Variants in MRTFB observed in about 807,000 individuals in gnomAD.
The protein encoded by MRTFB is myocardin-related transcription factor B.
Under a neutral mutation model 104.2 loss-of-function variants are expected in MRTFB, and 29 were observed. That is an observed-to-expected ratio of 0.28 (90% CI 0.21 to 0.38). The LOEUF (loss-of-function observed/expected upper bound fraction) is 0.38, where lower values mean the gene tolerates loss of function less well. Among genes scored for constraint, MRTFB ranks in the 10% least tolerant of loss-of-function variants. The probability of loss-of-function intolerance (pLI) is 1.00; values close to 1 mark genes in which losing one functional copy is unlikely to be tolerated. For synonymous variants in MRTFB, 535 were observed against 519.5 expected, an observed-to-expected ratio of 1.03 and a Z score of -0.41; for missense variants, 1,270 against 1,341.6, an observed-to-expected ratio of 0.95 and a Z score of 0.83.
At chr16:14,161,319 A>G (rs2039030137) in intron 3 of MRTFB, among the ~76,000 whole-genome samples, 1 of 152,060 alleles carries the variant, frequency 6.6e-6, no homozygotes, top group East Asian at 1.9e-4. Flanking sequence ...AGAGTGAGAA[A>G]TAGGCAATAT....
chr16:14,118,890 G>C (rs1046475694), intron 2 of MRTFB, among the ~76,000 whole-genome samples: 1 of 151,846 alleles, frequency 6.6e-6, no homozygotes, highest in African/African-American at 2.4e-5. Flanking sequence ...TTAGCCTTTC[G>C]TGTGAGATTT....
chr16:14,150,317 A>G (rs767868982), intron 3 of MRTFB, among the ~76,000 whole-genome samples: 2 of 152,210 alleles, frequency 1.3e-5, no homozygotes, highest in African/African-American at 2.4e-5. Flanking sequence ...ATTAGTATGT[A>G]TATTTTGAGA....
intron 2 of MRTFB, chr16:14,092,660 G>C (rs979549816): frequency 6.6e-6 from 1 of 152,168 alleles, no homozygotes; most frequent in African/African-American, 2.4e-5. Flanking sequence ...GATAAAGACA[G>C]ATTCTATTTC....
chr16:14,251,731 A>T, intron 13 of MRTFB, 131 bp from the exon 14 acceptor site: 1 of 932,254 alleles, frequency 1.1e-6, no homozygotes, highest in South Asian at 1.7e-5. Flanking sequence ...GTGACCCACA[A>T]ATCATAAGCT....
At position 14,246,703 on chromosome 16, in the gene MRTFB, C is replaced by T. The variant is rs2043030550; in HGVS notation, c.1443C>T (p.Leu481=). 1 of 1,614,184 alleles carries T rather than the reference C, an allele frequency of 6.2e-7. No homozygotes were observed. Among genetic ancestry groups the T allele is most frequent in the East Asian group, 2.2e-5 (1 of 44,872 alleles). Residue 481 remains leucine, a synonymous_variant, in exon 12 of 17, where the codon CTC becomes CTT. Coordinates refer to ENST00000571589, the MANE Select transcript of MRTFB (RefSeq NM_001308142.2). ...CTGTGACTAGCTCAGTCTCTACTCT[C>T]AAGGCAGAATTGCCACCTACAGGAA... is the stretch of plus-strand genomic sequence containing the variant. ...HNTVTSSVST[L]KAELPPTGTS...
chr16:14,136,855 A>C (rs553971912), intron 2 of MRTFB, among the ~76,000 whole-genome samples: 1 of 152,006 alleles, frequency 6.6e-6, no homozygotes, highest in Non-Finnish European at 1.5e-5. Context: ...TTGATCTTAC[A>C]GTATTATGCT....
chr16:14,225,046 T>A (rs958147548), intron 8 of MRTFB, among the ~76,000 whole-genome samples: 3 of 151,942 alleles, frequency 2.0e-5, no homozygotes, highest in Admixed American at 6.6e-5. Flanking sequence ...ATTAGCCAGA[T>A]GTGGTGGCGC....
At chr16:14,008,944 G>GTATTTATTTATTTATTTATTTATT in the MRTFB span, among the ~76,000 whole-genome samples, 4 of 149,650 alleles carry the variant, frequency 2.7e-5, no homozygotes, top group African/African-American at 9.8e-5. Flanking sequence ...AAAATTTTAT[G>GTATTTATTTATTTATTTATTTATT]TATTTATTTA....
rs182344282 is a variant in MRTFB at position 14,077,566 on chromosome 16, A to G, written c.-128-1724A>G. Among the ~76,000 whole-genome samples the G allele has an allele frequency of 7.8e-5, 11 of 140,488 alleles. No individual in the cohort carries two copies. In the East Asian group the frequency reaches 1.9e-3, roughly 24 times the overall value. The allele number at this position is 140,488 out of a possible 152,430, so 92.2% of individuals were successfully genotyped here. On this transcript the variant is annotated intron_variant, in intron 1 of 16. Coordinates refer to ENST00000571589, the MANE Select transcript of MRTFB (RefSeq NM_001308142.2). ...TAGTTTATTTTTCCATGTGAACTTT[A>G]GAATCGTTTTGTCTAGTTCCAGAAA... is the stretch of plus-strand genomic sequence containing the variant.
At chr16:14,223,164 G>C (rs181970583) in intron 8 of MRTFB, among the ~76,000 whole-genome samples, 2 of 152,106 alleles carry the variant, frequency 1.3e-5, no homozygotes, top group East Asian at 3.9e-4. Context: ...AAAAGAAATA[G>C]CTGGGCGTGG....
intron 1 of MRTFB, among the ~76,000 whole-genome samples, chr16:14,077,692 C>G (rs2034145704): frequency 6.6e-6 from 1 of 152,076 alleles, no homozygotes; most frequent in South Asian, 2.1e-4. Flanking sequence ...AGCAATAGTG[C>G]CTGTAAGAAT....
At chr16:14,166,483 A>G (rs2039246777) in intron 3 of MRTFB, among the ~76,000 whole-genome samples, 1 of 152,124 alleles carries the variant, frequency 6.6e-6, no homozygotes, top group South Asian at 2.1e-4. Context: ...GAAGTACAAA[A>G]GTGGTTTACA....
intron 3 of MRTFB, among the ~76,000 whole-genome samples, chr16:14,173,155 A>G (rs538586472): frequency 1.8e-4 from 27 of 152,148 alleles, no homozygotes; most frequent in African/African-American, 6.0e-4. Context: ...CTCTCCCTCC[A>G]CATTGCTTTT....
At chr16:14,135,279 A>C (rs1384904276) in intron 2 of MRTFB, among the ~76,000 whole-genome samples, 2 of 152,214 alleles carry the variant, frequency 1.3e-5, no homozygotes, top group African/African-American at 4.8e-5. Context: ...GCCATCCTCA[A>C]GCCTTGACGT....
upstream of MRTFB, among the ~76,000 whole-genome samples, chr16:14,070,975 C>G (rs1239800862): frequency 1.3e-5 from 2 of 152,210 alleles, no homozygotes; most frequent in Non-Finnish European, 2.9e-5. Context: ...GTGCTCGGCG[C>G]GCAGCGAGCA....
rs926558076 is a variant in MRTFB, at chr16:14,264,182, G to A, written c.*2738G>A. ...CGTGTGTGGTTTAAGCAGTGGTACT[G>A]TTGTATATCATATTGTAAAGTATCA... On this transcript the variant is annotated 3_prime_UTR_variant, in exon 17 of 17. Coordinates refer to ENST00000571589, the MANE Select transcript of MRTFB (RefSeq NM_001308142.2). 2.6e-5 allele frequency: 4 copies of A among 152,184 alleles called. No individual in the cohort carries two copies. The highest frequency in any genetic ancestry group is 9.7e-5 in the African/African-American group (4 of 41,448). The allele number at this position is 152,184 out of a possible 1,614,324, so 9.4% of individuals were successfully genotyped here.
intron 16 of MRTFB, 86 bp downstream of exon 16, chr16:14,258,247 A>G: frequency 1.0e-6 from 1 of 968,394 alleles, no homozygotes; most frequent in East Asian, 2.5e-5. Context: ...CTCATAGCTT[A>G]TCTTTAGATA....
At position 14,246,856 on chromosome 16, in the gene MRTFB, G is replaced by C. The variant is rs2043037541; in HGVS notation, c.1596G>C (p.Met532Ile). 1 of 1,612,884 alleles carries C rather than the reference G, an allele frequency of 6.2e-7. No homozygotes were observed. Among genetic ancestry groups the C allele is most frequent in the African/African-American group, 1.3e-5 (1 of 74,886 alleles). Reference sequence around the variant, plus strand: ...ACACTTTCACCGAGATTATGACCATGATGTCGCCTTCACAGTTCTTGAGTT... The same window carrying C: ...ACACTTTCACCGAGATTATGACCATCATGTCGCCTTCACAGTTCTTGAGTT... ...MADTFTEIMTMMSPSQFLSSS... is the reference protein window; with the variant it reads ...MADTFTEIMTIMSPSQFLSSS... The change falls in exon 12 of 17, where the codon ATG becomes ATC. Residue 532 changes from methionine (M) to isoleucine (I), a missense_variant. Transcript: ENST00000571589.
intron 2 of MRTFB, among the ~76,000 whole-genome samples, chr16:14,125,919 C>G (rs1456324957): frequency 6.6e-6 from 1 of 152,182 alleles, no homozygotes; most frequent in East Asian, 1.9e-4. Context: ...CCCTCCCTTT[C>G]CTTAGTTTAG....
Sources: allele counts gnomAD v4.1 joint callset (sites outside exome capture counted in the v4.1 genomes callset), GRCh38; gene constraint gnomAD v4.1.1; transcripts MANE v1.5; gene names NCBI Gene and HGNC (gene_info 2026-07-23, HGNC 2026-07-21).